The following ABCB11 variants were observed in gnomAD, a reference collection of about 807,000 sequenced individuals.
ABCB11 encodes the protein bile salt export pump.
A neutral mutation model predicts 148.0 loss-of-function variants in ABCB11; 95 were observed. The observed-to-expected ratio is 0.64, with a 90% CI of 0.54 to 0.76. ABCB11 has a LOEUF of 0.76. Ranked by LOEUF, ABCB11 falls within the 30% of genes least tolerant of loss-of-function variation. The pLI is 0.00. For synonymous variants in ABCB11, 591 were observed against 555.4 expected (o/e 1.06, Z -0.90); for missense variants, 1,523 against 1,617.8 (o/e 0.94, Z 1.01).
chr2:168,995,183 T>C (rs1694673754), intron 7 of ABCB11, among the ~76,000 whole-genome samples, 166 bp downstream of exon 7: 1 of 152,060 alleles, frequency 6.6e-6, no homozygotes, highest in African/African-American at 2.4e-5. Flanking sequence ...ATGTCCATAT[T>C]TGACAGTGTA....
At position 168,993,426 on chromosome 2, in the gene ABCB11, A is replaced by G. The variant is rs73972740; in HGVS notation, c.783+285T>C. 0.06 allele frequency among the ~76,000 whole-genome samples: 9,145 copies of G among 152,092 alleles called. 921 individuals are homozygous for G. Among genetic ancestry groups the G allele is most frequent in the African/African-American group, 0.21 (8,557 of 41,450 alleles). ...TGCTCACTTTATAAGATTGTTGTAA[A>G]GATTAGAGATAATGACTATTAAGCT... On this transcript the variant is annotated intron_variant, in intron 8 of 27. Coordinates refer to ENST00000650372, the MANE Select transcript of ABCB11 (RefSeq NM_003742.4).
intron 5 of ABCB11, among the ~76,000 whole-genome samples, chr2:168,997,260 A>G (rs985372401): frequency 6.6e-6 from 1 of 152,114 alleles, no homozygotes; most frequent in Non-Finnish European, 1.5e-5. Context: ...TCAGAGTGAC[A>G]CTGAAAAATG....
chr2:168,943,089 A>C (rs1692141634), intron 21 of ABCB11, among the ~76,000 whole-genome samples: 1 of 151,956 alleles, frequency 6.6e-6, no homozygotes, highest in African/African-American at 2.4e-5. Context: ...TAAAAAGATA[A>C]GTGTTTTTAA....
intron 26 of ABCB11, among the ~76,000 whole-genome samples, chr2:168,925,573 G>C (rs544639305): frequency 2.0e-5 from 3 of 152,262 alleles, no homozygotes; most frequent in Admixed American, 1.3e-4. Context: ...AAAATGGTGC[G>C]AGGACAAGTA....
Position 169,013,439 on chromosome 2 carries a change from T to G in ABCB11, c.222A>C (p.Ile74=), listed in dbSNP as rs755842000. 2 of 1,613,798 alleles carry G rather than the reference T, an allele frequency of 1.2e-6. No individual in the cohort carries two copies. Among genetic ancestry groups the G allele is most frequent in the Non-Finnish European group, 1.7e-6 (2 of 1,179,778 alleles). The change falls in exon 5 of 28, where the codon ATA becomes ATC. Residue 74 remains isoleucine, a synonymous_variant. Transcript: ENST00000650372. ...VGSLCAFLHG[I]AQPGVLLIFG... is the part of the protein sequence containing the mutation. ...AAATGAGTAGCACGCCTGGCTGGGC[T>G]ATTCCATGGAGAAATGCACACAAAC...
intron 5 of ABCB11, among the ~76,000 whole-genome samples, chr2:168,997,108 T>C (rs569249483): frequency 2.0e-4 from 30 of 152,130 alleles, no homozygotes; most frequent in African/African-American, 7.2e-4. Flanking sequence ...CATGCAGTGA[T>C]AGAGCAATCA....
chr2:169,018,930 C>A (rs572079525), intron 1 of ABCB11, among the ~76,000 whole-genome samples: 10 of 152,086 alleles, frequency 6.6e-5, no homozygotes, highest in African/African-American at 2.2e-4. Context: ...GTAAGCAGAG[C>A]ACAGAAGCAG....
chr2:168,971,064 C>G (rs116210548), intron 14 of ABCB11, among the ~76,000 whole-genome samples: 2 of 151,924 alleles, frequency 1.3e-5, no homozygotes, highest in African/African-American at 4.8e-5. Context: ...TTCAAGATCA[C>G]TGACTCTTCT....
chr2:168,924,375 T>C lies in ABCB11; in HGVS notation c.3765+282A>G, dbSNP rs519887. ...ATATAACAGATAATCTAGATTATTT[T>C]ACTTTATTCAAGAAAGGTGATTATT... On this transcript the variant is annotated intron_variant, in intron 27 of 27. Transcript: ENST00000650372. Among the ~76,000 whole-genome samples, 71,826 of 152,028 alleles carry C rather than the reference T, an allele frequency of 0.47. 18,423 individuals are homozygous for C. The highest frequency in any genetic ancestry group is 0.66 in the South Asian group (3,170 of 4,820).
At chr2:169,008,943 G>A (rs1016463793) in intron 5 of ABCB11, among the ~76,000 whole-genome samples, 8 of 152,226 alleles carry the variant, frequency 5.3e-5, no homozygotes, top group South Asian at 2.1e-4. Context: ...TCCATATAAC[G>A]AAATATTATT....
intron 21 of ABCB11, among the ~76,000 whole-genome samples, chr2:168,942,234 A>T (rs1692095988): frequency 6.6e-6 from 1 of 151,908 alleles, no homozygotes; most frequent in South Asian, 2.1e-4. Flanking sequence ...TATAACTATG[A>T]ATCTTGCTAA....
At chr2:169,011,856 G>T (rs1695198249) in intron 5 of ABCB11, among the ~76,000 whole-genome samples, 1 of 151,952 alleles carries the variant, frequency 6.6e-6, no homozygotes, top group South Asian at 2.1e-4. Context: ...GTAGAGACAG[G>T]GTCTCACTAT....
intron 15 of ABCB11, among the ~76,000 whole-genome samples, 199 bp from the exon 16 acceptor site, chr2:168,969,750 C>A (rs1206915073): frequency 6.6e-6 from 1 of 152,016 alleles, no homozygotes; most frequent in Non-Finnish European, 1.5e-5. Context: ...CTGTTGCTGC[C>A]ATTAATCAAC....
chr2:169,006,189 T>C (rs1025097493), intron 5 of ABCB11, among the ~76,000 whole-genome samples: 2 of 152,196 alleles, frequency 1.3e-5, no homozygotes, highest in South Asian at 2.1e-4. Context: ...GTAAAATGAT[T>C]ACTCATTATT....
chr2:169,016,928 G>GTCATTTGCT, intron 2 of ABCB11, 129 bp from the exon 3 acceptor site: 1 of 676,502 alleles, frequency 1.5e-6, no homozygotes, highest in Non-Finnish European at 2.6e-6. Flanking sequence ...ATTAGCAAAT[G>GTCATTTGCT]ACTATTTGCC....
intron 23 of ABCB11, among the ~76,000 whole-genome samples, chr2:168,934,103 A>G (rs982304890): frequency 2.7e-5 from 4 of 148,364 alleles, no homozygotes; most frequent in Non-Finnish European, 6.1e-5. Flanking sequence ...TTATTCTAAA[A>G]TTATTCTAAA....
At chr2:169,013,552 G>C (rs376490016) in intron 4 of ABCB11, 42 bp from the exon 5 acceptor site, 17 of 1,529,418 alleles carry the variant, frequency 1.1e-5, no homozygotes, top group Non-Finnish European at 1.4e-5. Flanking sequence ...TGGGTGAAGA[G>C]CAGGAGAGGT....
At chr2:168,978,563 A>G (rs1228044864) in intron 11 of ABCB11, among the ~76,000 whole-genome samples, 1 of 152,148 alleles carries the variant, frequency 6.6e-6, no homozygotes, top group East Asian at 1.9e-4. Flanking sequence ...GTTTGGCGAA[A>G]GAGTATCAAA....
intron 13 of ABCB11, 21 bp downstream of exon 13, chr2:168,973,694 G>C: frequency 6.2e-7 from 1 of 1,610,442 alleles, no homozygotes; most frequent in Non-Finnish European, 8.5e-7. Context: ...ATGTATTGAG[G>C]AGTTTCTGGA....
Sources: gnomAD v4.1 joint callset for allele counts (sites outside exome capture counted in the v4.1 genomes callset) on GRCh38, gnomAD v4.1.1 for gene constraint, MANE v1.5 for transcripts, NCBI Gene and HGNC (gene_info 2026-07-23, HGNC 2026-07-21) for gene names.